Variants in FAM47A observed in about 807,000 individuals in gnomAD.
FAM47A encodes family with sequence similarity 47 member A.
Under a neutral mutation model 2.6 loss-of-function variants are expected in FAM47A, and 1 was observed. That is an observed-to-expected ratio of 0.39 (90% CI 0.14 to 1.83). The LOEUF (loss-of-function observed/expected upper bound fraction) is 1.83. Among genes scored for constraint, FAM47A ranks in the 40% most tolerant of loss-of-function variants. The pLI is 0.32. For synonymous variants in FAM47A, 278 were observed against 270.1 expected (o/e 1.03, Z -0.29); for missense variants, 657 against 673.1 (o/e 0.98, Z 0.26).
Position 34,131,302 on chromosome X carries a change from C to T in FAM47A, c.977G>A (p.Arg326His), listed in dbSNP as rs755090154. 18 of 1,207,373 alleles carry T rather than the reference C, an allele frequency of 1.5e-5. No individual in the cohort carries two copies. Among genetic ancestry groups the T allele is most frequent in the Admixed American group, 2.2e-5 (1 of 45,604 alleles). ...EPPKTPVSSLRPEPPETGESH... is the reference protein window; with the variant it reads ...EPPKTPVSSLHPEPPETGESH... ...CTCTCCAGTCTCCGGAGGCTCCGGG[C>T]GGAGACTGGACACCGGAGTCTTGGG... Residue 326 changes from arginine (R) to histidine (H), a missense_variant, in exon 1 of 1, where the codon CGC (arginine) becomes CAC (histidine). Coordinates refer to ENST00000346193, the MANE Select transcript of FAM47A (RefSeq NM_203408.4).
rs267606441 is a variant in FAM47A, at chrX:34,130,545, G to A, written c.1734C>T (p.Ser578=). 67 of 1,209,759 alleles carry A rather than the reference G, an allele frequency of 5.5e-5. No individual in the cohort carries two copies. The East Asian group carries it at 1.5e-3, about 27-fold the overall frequency. ...CTTCCTGAAGCAGTTCTTTTATGTAGGATGCTCGAATCTTGGGAGGCTCCG... is the reference window on the plus strand; with the variant it reads ...CTTCCTGAAGCAGTTCTTTTATGTAAGATGCTCGAATCTTGGGAGGCTCCG... ...QFSEPPKIRA[S]YIKELLQEDT... Residue 578 remains serine, a synonymous_variant, in exon 1 of 1, where the codon TCC becomes TCT. Coordinates refer to ENST00000346193, the MANE Select transcript of FAM47A (RefSeq NM_203408.4).
Position 34,131,948 on chromosome X carries a change from G to C in FAM47A, c.331C>G (p.Gln111Glu), listed in dbSNP as rs370575891. The C allele has an allele frequency of 1.9e-5, 23 of 1,209,480 alleles. No homozygotes were observed. In the African/African-American group the frequency reaches 3.7e-4, roughly 19 times the overall value. Residue 111 changes from glutamine (Q) to glutamate (E), a missense_variant, in exon 1 of 1, where the codon CAG becomes GAG. Gln to Glu is a conservative substitution (Grantham distance 29). Transcript: ENST00000346193. The part of the protein sequence containing the change: ...AALFSKLSPA[Q>E]LARKAFVEQV... ...TCTACGAACGCCTTCCGTGCTAGCT[G>C]GGCTGGAGAGAGCTTGGAAAATAGG...
Position 34,130,575 on chromosome X carries a change from T to C in FAM47A, c.1704A>G (p.Gln568=), listed in dbSNP as rs779867445. The C allele has an allele frequency of 9.1e-6, 11 of 1,208,605 alleles. No individual in the cohort carries two copies. Among genetic ancestry groups the C allele is most frequent in the East Asian group, 3.0e-5 (1 of 33,662 alleles). Residue 568 remains glutamine, a synonymous_variant, in exon 1 of 1, where the codon CAA becomes CAG. Coordinates refer to ENST00000346193, the MANE Select transcript of FAM47A (RefSeq NM_203408.4). ...CTCGAATCTTGGGAGGCTCCGAGAA[T>C]TGATGGGACTCTGGAGCTTTGGGAG... The part of the protein sequence containing the change: ...PEPPKAPESH[Q]FSEPPKIRAS...
In FAM47A at chrX:34,130,518, A is replaced by G. The variant is rs2271145; in HGVS notation, c.1761T>C (p.Asp587=). ...AAACGCACTCTTTTGTGCTTGGTGTATCTTCCTGAAGCAGTTCTTTTATGT... is the reference window on the plus strand; with the variant it reads ...AAACGCACTCTTTTGTGCTTGGTGTGTCTTCCTGAAGCAGTTCTTTTATGT... ...ASYIKELLQE[D]TPSTKECVSD... The change falls in exon 1 of 1, where the codon GAT becomes GAC. Residue 587 remains aspartate (D), a synonymous_variant. Coordinates refer to ENST00000346193, the MANE Select transcript of FAM47A (RefSeq NM_203408.4). 5.0e-6 allele frequency: 6 copies of G among 1,211,593 alleles called. No homozygotes were observed. The East Asian group carries it at 1.8e-4, about 36-fold the overall frequency.
chrX:34,130,133 C>A lies in FAM47A; in HGVS notation c.2146G>T (p.Asp716Tyr), dbSNP rs752226841. ...KKLRSDEPLI[D>Y]PKLLLKKPDE... ...GGCTTTTTAAGTAAGAGCTTGGGGT[C>A]AATCAAAGGTTCATCACTTCTTAGC... The change falls in exon 1 of 1, where the codon GAC becomes TAC. Residue 716 changes from aspartate (D) to tyrosine (Y), a missense_variant. By Grantham distance (160) the Asp-to-Tyr change is radical. Coordinates refer to ENST00000346193, the MANE Select transcript of FAM47A (RefSeq NM_203408.4). 1.7e-6 allele frequency: 2 copies of A among 1,209,555 alleles called. No homozygotes were observed.
chrX:34,131,565 C>T lies in FAM47A; in HGVS notation c.714G>A (p.Glu238=). 1 of 1,183,130 alleles carries T rather than the reference C, an allele frequency of 8.5e-7. No individual in the cohort carries two copies. The highest frequency in any genetic ancestry group is 1.1e-6 in the Non-Finnish European group (1 of 872,634). ...TATGGGACACTCCAGTCTCTGGAGG[C>T]TCCGGGCGGAGATGGGACACTCCAG... is the stretch of plus-strand genomic sequence containing the variant. ...PETGVSHLRP[E]PPETGVSHIR... The change falls in exon 1 of 1, where the codon GAG becomes GAA. Residue 238 remains glutamate, a synonymous_variant. Transcript: ENST00000346193.
At position 34,132,002 on chromosome X, in the gene FAM47A, C is replaced by T. The variant is rs1922499299; in HGVS notation, c.277G>A (p.Gly93Arg). The change falls in exon 1 of 1, where the codon GGG becomes AGG. Residue 93 changes from glycine (G) to arginine (R), a missense_variant. By Grantham distance (125) the Gly-to-Arg change is moderately radical. Coordinates refer to ENST00000346193, the MANE Select transcript of FAM47A (RefSeq NM_203408.4). ...GCTTTCTTGAGCAGCTTTTTCTGCCCGCTTTTGGGGTCAGCTTGGGGACCT... is the reference window on the plus strand; with the variant it reads ...GCTTTCTTGAGCAGCTTTTTCTGCCTGCTTTTGGGGTCAGCTTGGGGACCT... The part of the protein sequence containing the change: ...LRGPQADPKS[G>R]QKKLLKKAAL... The T allele has an allele frequency of 8.3e-6, 10 of 1,211,415 alleles. No homozygotes were observed. Among genetic ancestry groups the T allele is most frequent in the East Asian group, 3.0e-5 (1 of 33,795 alleles).
At position 34,129,965 on chromosome X, in the gene FAM47A, T is replaced by C; in HGVS notation, c.2314A>G (p.Ile772Val). The change falls in exon 1 of 1, where the codon ATT becomes GTT. Residue 772 changes from isoleucine (I) to valine (V), a missense_variant. Ile to Val is a conservative substitution (Grantham distance 29). This residue lies in a region of FAM47A where 198 missense variants were observed against 203.4 expected (regional missense o/e 0.97). Transcript: ENST00000346193. ...TTGTAAAATATCATTGCACGTTGAA[T>C]AGGAGTCTTAACAGAGTCATAAGTC... Reference protein sequence around the residue: ...GWTYDSVKTPIQRAMIFYKYK... With the variant: ...GWTYDSVKTPVQRAMIFYKYK... 8.3e-7 allele frequency: 1 copy of C among 1,209,257 alleles called. No homozygotes were observed. The highest frequency in any genetic ancestry group is 1.8e-5 in the South Asian group (1 of 56,405).
Position 34,131,544 on chromosome X carries a change from G to C in FAM47A, c.735C>G (p.Ser245=), listed in dbSNP as rs1922478334. The change falls in exon 1 of 1, where the codon TCC becomes TCG. Residue 245 remains serine, a synonymous_variant. Coordinates refer to ENST00000346193, the MANE Select transcript of FAM47A (RefSeq NM_203408.4). ...LRPEPPETGV[S]HIRPGPPITR... ...TGATGGGAGGCCCCGGGCGGATATG[G>C]GACACTCCAGTCTCTGGAGGCTCCG... The C allele has an allele frequency of 8.5e-7, 1 of 1,176,675 alleles. No individual in the cohort carries two copies. Among genetic ancestry groups the C allele is most frequent in the East Asian group, 3.0e-5 (1 of 33,327 alleles).
chrX:34,132,015 A>C lies in FAM47A; in HGVS notation c.264T>G (p.Ala88=). Residue 88 remains alanine (A), a synonymous_variant, in exon 1 of 1, where the codon GCT becomes GCG. Coordinates refer to ENST00000346193, the MANE Select transcript of FAM47A (RefSeq NM_203408.4). ...LPKISLRGPQ[A]DPKSGQKKLL... is the part of the protein sequence containing the mutation. The stretch of plus-strand genomic sequence containing the variant: ...GCTTTTTCTGCCCGCTTTTGGGGTC[A>C]GCTTGGGGACCTCTGAGAGATATTT... The C allele has an allele frequency of 8.3e-7, 1 of 1,211,307 alleles. No homozygotes were observed. The highest frequency in any genetic ancestry group is 1.8e-5 in the South Asian group (1 of 56,938).
At position 34,130,300 on chromosome X, in the gene FAM47A, A is replaced by C. The variant is rs763654297; in HGVS notation, c.1979T>G (p.Leu660Arg). The C allele has an allele frequency of 3.1e-5, 37 of 1,208,261 alleles. No homozygotes were observed. The highest frequency in any genetic ancestry group is 5.3e-5 in the African/African-American group (3 of 56,958). ...CSSELKYSMELDEKDEDKFFS... is the reference protein window; with the variant it reads ...CSSELKYSMERDEKDEDKFFS... ...GAATTTGTCCTCATCCTTTTCATCT[A>C]GCTCCATGCTGTACTTCAGCTCTGA... is the stretch of plus-strand genomic sequence containing the variant. The change falls in exon 1 of 1, where the codon CTA becomes CGA. Residue 660 changes from leucine (L) to arginine (R), a missense_variant. This residue lies in a region of FAM47A where 198 missense variants were observed against 203.4 expected (regional missense o/e 0.97). Coordinates refer to ENST00000346193, the MANE Select transcript of FAM47A (RefSeq NM_203408.4).
chrX:34,130,369 G>T lies in FAM47A; in HGVS notation c.1910C>A (p.Ala637Glu). The change falls in exon 1 of 1, where the codon GCA becomes GAA. Residue 637 changes from alanine to glutamate, a missense_variant. Around this residue, in one of 3 missense-constraint regions of FAM47A, gnomAD observed 198 missense variants for 203.4 expected, o/e 0.97. Coordinates refer to ENST00000346193, the MANE Select transcript of FAM47A (RefSeq NM_203408.4). ...CTTAAACTTTTGGTCCTCATGGGTTGCTCTGTACTTGGGGGTAAAGTCAAA... is the reference window on the plus strand; with the variant it reads ...CTTAAACTTTTGGTCCTCATGGGTTTCTCTGTACTTGGGGGTAAAGTCAAA... Reference protein sequence around the residue: ...NLFDFTPKYRATHEDQKFKKV... With the variant: ...NLFDFTPKYRETHEDQKFKKV... 8.3e-7 allele frequency: 1 copy of T among 1,211,739 alleles called. No homozygotes were observed. Among genetic ancestry groups the T allele is most frequent in the Non-Finnish European group, 1.1e-6 (1 of 895,551 alleles).
In FAM47A at chrX:34,131,450, G is replaced by T; in HGVS notation, c.829C>A (p.Arg277=). The change falls in exon 1 of 1, where the codon CGG becomes AGG. Residue 277 remains arginine (R), a synonymous_variant. Transcript: ENST00000346193. ...LDSERKLEDA[R]APCEGREKTT... is the part of the protein sequence containing the mutation. Reference sequence around the variant, plus strand: ...TTCTCCCGGCCCTCACAAGGAGCCCGTGCGTCTTCCAGCTTCCTCTCAGAA... The same window carrying T: ...TTCTCCCGGCCCTCACAAGGAGCCCTTGCGTCTTCCAGCTTCCTCTCAGAA... The T allele has an allele frequency of 5.8e-6, 7 of 1,209,755 alleles. No homozygotes were observed. Among genetic ancestry groups the T allele is most frequent in the Non-Finnish European group, 7.8e-6 (7 of 895,004 alleles).
rs201763694 is a variant in FAM47A, at chrX:34,131,321, T to A, written c.958A>T (p.Thr320Ser). ...LSHLRQEPPK[T>S]PVSSLRPEPP... ...TCCGGGCGGAGACTGGACACCGGAG[T>A]CTTGGGAGGCTCCTGGCGGAGATGG... The change falls in exon 1 of 1, where the codon ACT becomes TCT. Residue 320 changes from threonine (T) to serine (S), a missense_variant. Thr to Ser is a moderately conservative substitution (Grantham distance 58, BLOSUM62 1). Around this residue, in one of 3 missense-constraint regions of FAM47A, gnomAD observed 436 missense variants for 414.1 expected, o/e 1.05. Coordinates refer to ENST00000346193, the MANE Select transcript of FAM47A (RefSeq NM_203408.4). 632 of 1,205,563 alleles carry A rather than the reference T, an allele frequency of 5.2e-4. 1 individual carries two copies. The highest frequency in any genetic ancestry group is 6.8e-4 in the Non-Finnish European group (605 of 893,913).
Position 34,130,698 on chromosome X carries a change from C to T in FAM47A, c.1581G>A (p.Thr527=), listed in dbSNP as rs777175964. 2 of 1,062,544 alleles carry T rather than the reference C, an allele frequency of 1.9e-6. No homozygotes were observed. Among genetic ancestry groups the T allele is most frequent in the Non-Finnish European group, 2.5e-6 (2 of 793,808 alleles). The allele number at this position is 1,062,544 out of a possible 1,213,427, so 87.6% of individuals were successfully genotyped here. ...TGGGAGGCTCCGGACCGAGACTGGA[C>T]GTCCGACGAGTCTTGGGAGGCTCCG... ...LRSEPPKTRR[T]SSLGPEPPKT... Residue 527 remains threonine, a synonymous_variant, in exon 1 of 1, where the codon ACG becomes ACA. Coordinates refer to ENST00000346193, the MANE Select transcript of FAM47A (RefSeq NM_203408.4).
chrX:34,131,573 G>A lies in FAM47A; in HGVS notation c.706C>T (p.Arg236Cys), dbSNP rs367563899. ...EPPETGVSHL[R>C]PEPPETGVSH... ...ACTCCAGTCTCTGGAGGCTCCGGGC[G>A]GAGATGGGACACTCCAGTCTCAGGA... Residue 236 changes from arginine to cysteine, a missense_variant, in exon 1 of 1, where the codon CGC becomes TGC. This residue lies in a region of FAM47A where 436 missense variants were observed against 414.1 expected (regional missense o/e 1.05). Transcript: ENST00000346193. 8.0e-5 allele frequency: 94 copies of A among 1,180,387 alleles called. No homozygotes were observed. The highest frequency in any genetic ancestry group is 6.9e-4 in the Middle Eastern group (3 of 4,318).
chrX:34,132,084 G>T lies in FAM47A; in HGVS notation c.195C>A (p.Pro65=), dbSNP rs372574154. 1 of 1,210,618 alleles carries T rather than the reference G, an allele frequency of 8.3e-7. No homozygotes were observed. Among genetic ancestry groups the T allele is most frequent in the African/African-American group, 1.7e-5 (1 of 57,706 alleles). Residue 65 remains proline, a synonymous_variant, in exon 1 of 1, where the codon CCC becomes CCA. Coordinates refer to ENST00000346193, the MANE Select transcript of FAM47A (RefSeq NM_203408.4). ...CACGGCGACAAACGAGAGTATCTTC[G>T]GGAGACGGACAGCCGTAGCGGAAGT... The part of the protein sequence containing the change: ...MDDFRYGCPS[P]EDTLVCRRDE...
rs1450522705 is a variant in FAM47A, at chrX:34,132,265, C to T, written c.14G>A (p.Arg5Lys). The T allele has an allele frequency of 2.6e-6, 3 of 1,165,448 alleles. No individual in the cohort carries two copies. The highest frequency in any genetic ancestry group is 3.6e-5 in the African/African-American group (2 of 55,483). MGDQ[R>K]LQDWLRSPGM... is the part of the protein sequence containing the mutation. The stretch of plus-strand genomic sequence containing the variant: ...CGGGGACCTCAGCCAGTCCTGCAGC[C>T]TCTGGTCCCCCATGGTGGCCCTCGC... The change falls in exon 1 of 1, where the codon AGG (arginine) becomes AAG (lysine). Residue 5 changes from arginine to lysine, a missense_variant. Arg to Lys is a conservative substitution (Grantham distance 26, BLOSUM62 2). Coordinates refer to ENST00000346193, the MANE Select transcript of FAM47A (RefSeq NM_203408.4).
Position 34,131,636 on chromosome X carries a change from G to C in FAM47A, c.643C>G (p.Pro215Ala). ...ETGVSHLSPE[P>A]PKTPVSSLRP... ...AGACTGGACACCGGAGTCTTGGGAG[G>C]CTCCGGGCTTAGATGGGACACTCCA... is the stretch of plus-strand genomic sequence containing the variant. Residue 215 changes from proline to alanine, a missense_variant, in exon 1 of 1, where the codon CCT (proline) becomes GCT (alanine). Physicochemically the swap from Pro to Ala is conservative, Grantham distance 27. Transcript: ENST00000346193. 1 of 1,210,171 alleles carries C rather than the reference G, an allele frequency of 8.3e-7. No homozygotes were observed. The highest frequency in any genetic ancestry group is 1.1e-6 in the Non-Finnish European group (1 of 894,570).
Sources: allele counts gnomAD v4.1 joint callset, GRCh38; gene constraint gnomAD v4.1.1; regional missense constraint gnomAD v4.1.1; transcripts MANE v1.5; gene names NCBI Gene and HGNC (gene_info 2026-07-23, HGNC 2026-07-21).